Variants in LIMK1 observed in about 807,000 individuals in gnomAD.
LIMK1 encodes the protein LIM domain kinase 1.
In LIMK1, 21 loss-of-function variants were observed where a neutral mutation model predicts 77.6. The observed-to-expected ratio is 0.27, with a 90% confidence interval of 0.19 to 0.39. The LOEUF (loss-of-function observed/expected upper bound fraction) is 0.39. Ranked by LOEUF, LIMK1 falls within the 10% of genes least tolerant of loss-of-function variation. The probability of loss-of-function intolerance (pLI) is 1.00; values close to 1 mark genes in which losing one functional copy is unlikely to be tolerated. For synonymous variants in LIMK1, 358 were observed against 370.0 expected (o/e 0.97, Z 0.37); for missense variants, 696 against 901.6 (o/e 0.77, Z 2.92).
chr7:74,106,316 G>A (rs897332542), intron 7 of LIMK1, 73 bp downstream of exon 7: 2 of 1,514,036 alleles, frequency 1.3e-6, no homozygotes, highest in African/African-American at 2.8e-5. Flanking sequence ...TGGGACCTAG[G>A]TCGGGGAGCC....
chr7:74,109,075 C>A, intron 10 of LIMK1, 39 bp downstream of exon 10: 1 of 1,527,362 alleles, frequency 6.5e-7, no homozygotes, highest in Non-Finnish European at 9.0e-7. Context: ...CGCTGTGCGG[C>A]CCCGGGCAAA....
Position 74,106,256 on chromosome 7 carries a change from GCTC to G in LIMK1, c.881+17_881+19del. ...AGAAACCTGTCTTGTAAGTCAGCCT[GCTC>G]CTCGGTTCAGCTGGGTGCTTTCACT... On this transcript the variant is annotated intron_variant, in intron 7 of 15. Transcript: ENST00000336180. 6.2e-7 allele frequency: 1 copy of G among 1,601,752 alleles called. No individual in the cohort carries two copies. The highest frequency in any genetic ancestry group is 8.5e-7 in the Non-Finnish European group (1 of 1,174,852).
intron 2 of LIMK1, among the ~76,000 whole-genome samples, chr7:74,091,272 C>G (rs1317406583): frequency 6.6e-6 from 1 of 152,000 alleles, no homozygotes; most frequent in African/African-American, 2.4e-5. Flanking sequence ...GCCTGTAATC[C>G]CAGCACTTTG....
intron 10 of LIMK1, chr7:74,110,222 G>A (rs1176667012): frequency 1.3e-5 from 2 of 152,186 alleles, no homozygotes; most frequent in Non-Finnish European, 2.9e-5. Flanking sequence ...CAAATGTGGT[G>A]ACACATGCCT....
rs1222058569 is a variant in LIMK1, at chr7:74,107,044, G to A, written c.916G>A (p.Gly306Ser). The change falls in exon 8 of 16, where the codon GGC becomes AGC. Residue 306 changes from glycine to serine, a missense_variant. Gly to Ser is a moderately conservative substitution (Grantham distance 56, BLOSUM62 0). Around this residue, in one of 3 missense-constraint regions of LIMK1, gnomAD observed 438 missense variants for 602.3 expected, o/e 0.73. Coordinates refer to ENST00000336180, the MANE Select transcript of LIMK1 (RefSeq NM_002314.4). The part of the protein sequence containing the change: ...SCSIDRSPGA[G>S]SLGSPASQRK... ...CAGCATCGACAGGTCTCCGGGCGCT[G>A]GCTCACTGGGCTCCCCGGCCTCCCA... The A allele has an allele frequency of 1.2e-6, 2 of 1,602,220 alleles. No homozygotes were observed. Among genetic ancestry groups the A allele is most frequent in the Admixed American group, 1.7e-5 (1 of 58,776 alleles).
intron 5 of LIMK1, among the ~76,000 whole-genome samples, chr7:74,100,875 A>G (rs1465227341): frequency 6.6e-6 from 1 of 151,828 alleles, no homozygotes; most frequent in African/African-American, 2.4e-5. Flanking sequence ...AGCTGGGACT[A>G]CAGGCACCTG....
intron 12 of LIMK1, among the ~76,000 whole-genome samples, chr7:74,113,707 A>G (rs1444453350): frequency 6.6e-6 from 1 of 152,066 alleles, no homozygotes; most frequent in South Asian, 2.1e-4. Flanking sequence ...TCTTGTGATA[A>G]CTAACCTGGT....
Position 74,096,723 on chromosome 7 carries a change from A to G in LIMK1, c.254A>G (p.His85Arg). Residue 85 changes from histidine (H) to arginine (R), a missense_variant, in exon 3 of 16, where the codon CAT becomes CGT. By Grantham distance (29) the His-to-Arg change is conservative. Transcript: ENST00000336180. ...TGGGCCCGCTATGGCGAGTCCTGCC[A>G]TGGGTGCTCTGAGCAAATCACCAAG... ...DYWARYGESCHGCSEQITKGL... is the reference protein window; with the variant it reads ...DYWARYGESCRGCSEQITKGL... 2.5e-6 allele frequency: 4 copies of G among 1,613,036 alleles called. No individual in the cohort carries two copies. Among genetic ancestry groups the G allele is most frequent in the Non-Finnish European group, 3.4e-6 (4 of 1,179,358 alleles).
intron 2 of LIMK1, among the ~76,000 whole-genome samples, chr7:74,092,155 G>A (rs1386295876): frequency 2.0e-5 from 3 of 151,688 alleles, no homozygotes; most frequent in Non-Finnish European, 4.4e-5. Flanking sequence ...TAATAGAGAC[G>A]GGGTTTCACC....
intron 13 of LIMK1, among the ~76,000 whole-genome samples, chr7:74,120,167 G>T (rs1554700305): frequency 4.6e-5 from 7 of 152,048 alleles, no homozygotes; most frequent in Non-Finnish European, 2.9e-5. Flanking sequence ...GTGGCATTTG[G>T]GGCCCACCCA....
In LIMK1 at chr7:74,121,473, G is replaced by T; in HGVS notation, c.*172G>T. 1.5e-6 allele frequency: 1 copy of T among 664,146 alleles called. No homozygotes were observed. Among genetic ancestry groups the T allele is most frequent in the Non-Finnish European group, 2.5e-6 (1 of 402,318 alleles). The allele number at this position is 664,146 out of a possible 1,614,324, so 41.1% of individuals were successfully genotyped here. A position where few individuals can be genotyped will look rare whatever the true frequency, so the allele number is the denominator to read the frequency against. On this transcript the variant is annotated 3_prime_UTR_variant, in exon 16 of 16. Coordinates refer to ENST00000336180, the MANE Select transcript of LIMK1 (RefSeq NM_002314.4). Reference sequence around the variant, plus strand: ...GGACCGCTTCCCCTGCCTTCTCTCTGCCGTGGCCCAGAGCCGGCCCAGCTG... The same window carrying T: ...GGACCGCTTCCCCTGCCTTCTCTCTTCCGTGGCCCAGAGCCGGCCCAGCTG...
Position 74,083,954 on chromosome 7 carries a change from G to T in LIMK1, c.-37G>T. On this transcript the variant is annotated 5_prime_UTR_variant, in exon 1 of 16. Coordinates refer to ENST00000336180, the MANE Select transcript of LIMK1 (RefSeq NM_002314.4). ...GAGCTCGCGGGCCCGGCCGCCCCCA[G>T]CCCCAGCCCCGCCGGGCCCCGCCCC... The T allele has an allele frequency of 1.0e-6, 1 of 962,208 alleles. No homozygotes were observed. The highest frequency in any genetic ancestry group is 1.4e-6 in the Non-Finnish European group (1 of 728,752). 59.6% of individuals were successfully genotyped at this position (962,208 alleles called of 1,614,324 possible).
chr7:74,113,115 G>GT (rs1259613949), intron 12 of LIMK1, among the ~76,000 whole-genome samples: 12 of 152,106 alleles, frequency 7.9e-5, no homozygotes, highest in African/African-American at 2.9e-4. Flanking sequence ...GAGCTCAGGA[G>GT]TTTGAGACCA....
chr7:74,083,927 G>A lies in LIMK1; in HGVS notation c.-64G>A. The stretch of plus-strand genomic sequence containing the variant: ...CGCCTCCCCGGGCCGGCGGCGGTGG[G>A]CGAGCTCGCGGGCCCGGCCGCCCCC... On this transcript the variant is annotated 5_prime_UTR_variant, in exon 1 of 16. Coordinates refer to ENST00000336180, the MANE Select transcript of LIMK1 (RefSeq NM_002314.4). The A allele has an allele frequency of 2.4e-6, 1 of 410,676 alleles. No homozygotes were observed. The highest frequency in any genetic ancestry group is 9.4e-5 in the South Asian group (1 of 10,592). The allele number at this position is 410,676 out of a possible 1,614,324, so 25.4% of individuals were successfully genotyped here.
rs782146384 is a variant in LIMK1, at chr7:74,120,945, T to C, written c.1677T>C (p.Phe559=). The C allele has an allele frequency of 1.9e-6, 3 of 1,614,098 alleles. No individual in the cohort carries two copies. Among genetic ancestry groups the C allele is most frequent in the Non-Finnish European group, 2.5e-6 (3 of 1,179,984 alleles). Reference sequence around the variant, plus strand: ...ACTACCTGCCCCGCACCATGGACTTTGGCCTCAACGTGCGAGGATTCCTGG... The same window carrying C: ...ACTACCTGCCCCGCACCATGGACTTCGGCCTCAACGTGCGAGGATTCCTGG... ...DPDYLPRTMD[F]GLNVRGFLDR... The change falls in exon 15 of 16, where the codon TTT becomes TTC. Residue 559 remains phenylalanine (F), a synonymous_variant. Transcript: ENST00000336180.
rs782676279 is a variant in LIMK1 at position 74,120,988 on chromosome 7, A to T, written c.1720A>T (p.Asn574Tyr). The change falls in exon 15 of 16, where the codon AAC becomes TAC. Residue 574 changes from asparagine to tyrosine, a missense_variant. Physicochemically the swap from Asn to Tyr is moderately radical, Grantham distance 143 (BLOSUM62 -2). Around this residue, in one of 3 missense-constraint regions of LIMK1, gnomAD observed 438 missense variants for 602.3 expected, o/e 0.73. Transcript: ENST00000336180. Reference sequence around the variant, plus strand: ...ATTCCTGGACCGCTACTGCCCCCCAAACTGCCCCCCGAGCTTCTTCCCCAT... The same window carrying T: ...ATTCCTGGACCGCTACTGCCCCCCATACTGCCCCCCGAGCTTCTTCCCCAT... ...RGFLDRYCPPNCPPSFFPITV... is the reference protein window; with the variant it reads ...RGFLDRYCPPYCPPSFFPITV... 3 of 1,425,102 alleles carry T rather than the reference A, an allele frequency of 2.1e-6. No individual in the cohort carries two copies. Among genetic ancestry groups the T allele is most frequent in the Non-Finnish European group, 1.9e-6 (2 of 1,063,112 alleles). The allele number at this position is 1,425,102 out of a possible 1,614,324, so 88.3% of individuals were successfully genotyped here. A position where few individuals can be genotyped will look rare whatever the true frequency, so the allele number is the denominator to read the frequency against.
chr7:74,117,500 G>C (rs1799840064), intron 13 of LIMK1, among the ~76,000 whole-genome samples: 1 of 152,070 alleles, frequency 6.6e-6, no homozygotes. Flanking sequence ...CTCCCACAGG[G>C]TCTGCTTCCC....
chr7:74,112,685 C>T (rs986150913), intron 12 of LIMK1, among the ~76,000 whole-genome samples: 10 of 151,962 alleles, frequency 6.6e-5, no homozygotes, highest in African/African-American at 1.2e-4. Context: ...ATTAGCCGGG[C>T]GTGGTGGCAG....
At chr7:74,100,071 G>A (rs1471167472) in intron 5 of LIMK1, among the ~76,000 whole-genome samples, 2 of 152,180 alleles carry the variant, frequency 1.3e-5, no homozygotes, top group Non-Finnish European at 2.9e-5. Flanking sequence ...GCTGAGATGG[G>A]AGGATCACTT....
Sources: gnomAD v4.1 joint callset for allele counts (sites outside exome capture counted in the v4.1 genomes callset) on GRCh38, gnomAD v4.1.1 for gene constraint, gnomAD v4.1.1 regional missense constraint, MANE v1.5 for transcripts, NCBI Gene and HGNC (gene_info 2026-07-23, HGNC 2026-07-21) for gene names.